Variants in SRC observed in about 807,000 individuals in gnomAD.
The protein encoded by SRC is proto-oncogene tyrosine-protein kinase Src.
In SRC, 13 loss-of-function variants were observed where a neutral mutation model predicts 62.9. The observed-to-expected ratio is 0.21, with a 90% confidence interval of 0.13 to 0.33. SRC has a LOEUF of 0.33. Ranked by LOEUF, SRC falls within the 10% of genes least tolerant of loss-of-function variation. The pLI is 1.00. For synonymous variants in SRC, 302 were observed against 317.5 expected (o/e 0.95, Z 0.52); for missense variants, 457 against 737.3 (o/e 0.62, Z 4.40).
At chr20:37,385,025 C>T (rs2070431592) in intron 4 of SRC, among the ~76,000 whole-genome samples, 1 of 152,230 alleles carries the variant, frequency 6.6e-6, no homozygotes, top group African/African-American at 2.4e-5. Context: ...GCCAGGGACA[C>T]GCACACATGC....
At chr20:37,360,218 CTTT>C (rs61476973) in intron 1 of SRC, among the ~76,000 whole-genome samples, 1 of 105,630 alleles carries the variant, frequency 9.5e-6, no homozygotes, top group African/African-American at 4.8e-5. Flanking sequence ...CTCTCTCTCT[CTTT>C]TTTTTTTTTT....
intron 2 of SRC, among the ~76,000 whole-genome samples, chr20:37,366,689 G>A (rs1438630670): frequency 6.6e-6 from 1 of 152,110 alleles, no homozygotes. Flanking sequence ...ATTCACTCAT[G>A]TTGTAGCATG....
Position 37,397,762 on chromosome 20 carries a change from A to G in SRC, c.767A>G (p.Gln256Arg). The change falls in exon 9 of 14, where the codon CAG (glutamine) becomes CGG (arginine). Residue 256 changes from glutamine (Q) to arginine (R), a missense_variant. Transcript: ENST00000373578. The surrounding 1 kb of genome is among the most constrained non-coding windows in gnomAD (Gnocchi z 4.1). ...TGCCCCACGTCCAAGCCGCAGACTC[A>G]GGGCCTGGCCAAGGATGCCTGGGAG... Reference protein sequence around the residue: ...TVCPTSKPQTQGLAKDAWEIP... With the variant: ...TVCPTSKPQTRGLAKDAWEIP... 4 of 1,612,084 alleles carry G rather than the reference A, an allele frequency of 2.5e-6. No individual in the cohort carries two copies. Among genetic ancestry groups the G allele is most frequent in the South Asian group, 1.1e-5 (1 of 90,804 alleles).
chr20:37,383,610 GA>G (rs1276700917), intron 3 of SRC: 1 of 154,078 alleles, frequency 6.5e-6, no homozygotes, highest in Admixed American at 6.5e-5. Flanking sequence ...CCTGGCGCTG[GA>G]CCGAGGAAGC....
At chr20:37,385,257 ACT>A (rs1213966070) in intron 4 of SRC, among the ~76,000 whole-genome samples, 1 of 152,156 alleles carries the variant, frequency 6.6e-6, no homozygotes, top group African/African-American at 2.4e-5. Context: ...ACATGAGAAC[ACT>A]CAGAGACACA....
intron 1 of SRC, among the ~76,000 whole-genome samples, chr20:37,355,543 A>G (rs1207190419): frequency 6.6e-6 from 1 of 152,096 alleles, no homozygotes; most frequent in African/African-American, 2.4e-5. Flanking sequence ...CACCGGTGAT[A>G]TCTGGGCCTT....
Position 37,405,243 on chromosome 20 carries a change from T to TAA in SRC, c.*1865_*1866dup, listed in dbSNP as rs1198304196. ...CTTAATACTGTCCTTTTTTTTTTTT[T>TAA]AACAGTGTTTTGTAGATTTCAGATG... On this transcript the variant is annotated 3_prime_UTR_variant, in exon 14 of 14. Transcript: ENST00000373578. The TAA allele has an allele frequency of 0.013, 2,925 of 220,656 alleles. 86 individuals are homozygous for TAA. The highest frequency in any genetic ancestry group is 0.063 in the African/African-American group (2,717 of 42,950). 13.7% of individuals were successfully genotyped at this position (220,656 alleles called of 1,614,324 possible).
chr20:37,352,385 G>A (rs1034561144), intron 1 of SRC, among the ~76,000 whole-genome samples: 2 of 152,236 alleles, frequency 1.3e-5, no homozygotes, highest in Admixed American at 6.5e-5. Context: ...ACCTTTGTCT[G>A]TGGTTGGCTT....
intron 1 of SRC, among the ~76,000 whole-genome samples, chr20:37,349,720 G>C (rs1028624366): frequency 6.6e-6 from 1 of 152,184 alleles, no homozygotes; most frequent in Non-Finnish European, 1.5e-5. Context: ...GGTGCCGGTT[G>C]GGGCAGGGCT....
At chr20:37,344,816 G>C (rs1387640969), upstream of SRC, 1 of 152,220 alleles carries the variant, frequency 6.6e-6, no homozygotes, top group Non-Finnish European at 1.5e-5. Flanking sequence ...AGCACAACCT[G>C]ACCATCCTCA....
intron 1 of SRC, among the ~76,000 whole-genome samples, chr20:37,353,396 C>T (rs796315567): frequency 2.0e-5 from 3 of 152,070 alleles, no homozygotes; most frequent in South Asian, 2.1e-4. Flanking sequence ...CCTGAGGTCA[C>T]GCAGCCCTGA....
intron 5 of SRC, among the ~76,000 whole-genome samples, chr20:37,386,824 G>A (rs1487267302): frequency 1.3e-5 from 2 of 152,246 alleles, no homozygotes; most frequent in Admixed American, 6.5e-5. Context: ...CCTTGGCCAC[G>A]TCCCCCTGGA....
chr20:37,384,503 C>T lies in SRC; in HGVS notation c.250+100C>T, dbSNP rs1479480384. The T allele has an allele frequency of 4.1e-6, 5 of 1,225,372 alleles. No individual in the cohort carries two copies. In the Admixed American group the frequency reaches 1.3e-4, roughly 32 times the overall value. 75.9% of individuals were successfully genotyped at this position (1,225,372 alleles called of 1,614,324 possible). ...GGTCGCCCCCTCTGCGCAGGCCCTT[C>T]CTCTCGCCAGGGGTAGCGCCCCTGG... On this transcript the variant is annotated intron_variant, in intron 4 of 13. Transcript: ENST00000373578. The surrounding 1 kb of genome is among the most constrained non-coding windows in gnomAD (Gnocchi z 6.7).
intron 2 of SRC, among the ~76,000 whole-genome samples, chr20:37,373,726 T>A (rs1046725809): frequency 2.6e-5 from 4 of 152,242 alleles, no homozygotes; most frequent in Non-Finnish European, 4.4e-5. Context: ...GATGGCAGAT[T>A]GTTGGTCCTA....
chr20:37,347,357 C>T (rs11697568), intron 1 of SRC, among the ~76,000 whole-genome samples: 33,456 of 151,564 alleles, frequency 0.22, 3,841 homozygotes, highest in Middle Eastern at 0.29. Flanking sequence ...ATCAAGGCAC[C>T]GAGTCTTCTT....
chr20:37,350,659 G>A (rs574984759), intron 1 of SRC, among the ~76,000 whole-genome samples: 26 of 152,306 alleles, frequency 1.7e-4, no homozygotes, highest in East Asian at 1.3e-3. Flanking sequence ...TGTATTCCCC[G>A]TGGCTCAAAT....
chr20:37,365,505 A>C (rs2070049966), intron 2 of SRC, among the ~76,000 whole-genome samples: 1 of 152,086 alleles, frequency 6.6e-6, no homozygotes, highest in Non-Finnish European at 1.5e-5. Flanking sequence ...TTTTAGCATA[A>C]TGTGAATTTC....
At chr20:37,389,904 T>C (rs1318061399) in intron 5 of SRC, among the ~76,000 whole-genome samples, 1 of 152,144 alleles carries the variant, frequency 6.6e-6, no homozygotes, top group African/African-American at 2.4e-5. Flanking sequence ...GCCCACCTGA[T>C]GAGGACCAGG....
At chr20:37,381,708 A>G (rs1172386817) in intron 2 of SRC, among the ~76,000 whole-genome samples, 2 of 152,096 alleles carry the variant, frequency 1.3e-5, no homozygotes, top group African/African-American at 4.8e-5. Context: ...GCCCCCATCA[A>G]TCCTTGGGCT....
Sources: gnomAD v4.1 joint callset for allele counts (sites outside exome capture counted in the v4.1 genomes callset) on GRCh38, gnomAD v4.1.1 for gene constraint, Gnocchi (gnomAD v3.1) non-coding constraint, MANE v1.5 for transcripts, NCBI Gene and HGNC (gene_info 2026-07-23, HGNC 2026-07-21) for gene names.